The following ZFAT variants were observed in gnomAD, a reference collection of about 807,000 sequenced individuals.
ZFAT encodes zinc finger protein ZFAT.
A neutral mutation model predicts 117.7 loss-of-function variants in ZFAT; 64 were observed. That is an observed-to-expected ratio of 0.54 (90% CI 0.44 to 0.67). ZFAT has a LOEUF of 0.67. Among genes scored for constraint, ZFAT ranks in the 30% least tolerant of loss-of-function variants. The pLI, the probability that ZFAT is intolerant of heterozygous loss-of-function variation, is 0.00. For synonymous variants in ZFAT, 679 were observed against 615.0 expected (o/e 1.10, Z -1.54); for missense variants, 1,433 against 1,584.5 (o/e 0.90, Z 1.62).
the ZFAT span, among the ~76,000 whole-genome samples, chr8:134,820,631 T>C: frequency 6.6e-6 from 1 of 152,230 alleles, no homozygotes. Flanking sequence ...CAAGGGCCAC[T>C]GGCAGAACCA....
At chr8:134,489,026 A>C (rs528155751) in intron 15 of ZFAT, among the ~76,000 whole-genome samples, 37 of 147,072 alleles carry the variant, frequency 2.5e-4, no homozygotes, top group African/African-American at 9.6e-4. Context: ...GAGATGAAAC[A>C]AAGAGGAAAA....
chr8:134,503,035 G>A (rs1022468040), intron 15 of ZFAT, among the ~76,000 whole-genome samples: 1 of 152,252 alleles, frequency 6.6e-6, no homozygotes, highest in African/African-American at 2.4e-5. Flanking sequence ...CAACTCCTGG[G>A]CTGCAGGGGA....
chr8:134,563,357 A>G (rs1824187944), intron 11 of ZFAT, among the ~76,000 whole-genome samples: 1 of 152,214 alleles, frequency 6.6e-6, no homozygotes, highest in African/African-American at 2.4e-5. Flanking sequence ...AAAGCACAAG[A>G]CTAGGAGTGA....
In ZFAT at chr8:134,532,927, A is replaced by G; in HGVS notation, c.3022T>C (p.Ser1008Pro). 6.2e-7 allele frequency: 1 copy of G among 1,609,346 alleles called. No homozygotes were observed. The highest frequency in any genetic ancestry group is 8.5e-7 in the Non-Finnish European group (1 of 1,177,882). ...TTCCTGTTGTAGTGCCGCTTCAGAG[A>G]GCCAGATATGTTGCAGGAGTAATGG... ...HCHYSCNISG[S>P]LKRHYNRKHP... The change falls in exon 12 of 16, where the codon TCT becomes CCT. Residue 1008 changes from serine (S) to proline (P), a missense_variant. Ser to Pro is a moderately conservative substitution (Grantham distance 74). Coordinates refer to ENST00000377838, the MANE Select transcript of ZFAT (RefSeq NM_020863.4).
intron 3 of ZFAT, among the ~76,000 whole-genome samples, chr8:134,610,904 A>G (rs1006930394): frequency 6.6e-6 from 1 of 152,250 alleles, no homozygotes; most frequent in Non-Finnish European, 1.5e-5. Context: ...GGTGAAGCAG[A>G]CATAGTTTCT....
At chr8:134,562,682 C>A (rs1009096863) in intron 11 of ZFAT, among the ~76,000 whole-genome samples, 1 of 152,168 alleles carries the variant, frequency 6.6e-6, no homozygotes, top group Admixed American at 6.5e-5. Context: ...GCCATGACCC[C>A]AGGTCCAGCT....
intron 14 of ZFAT, among the ~76,000 whole-genome samples, chr8:134,511,802 T>C (rs974524731): frequency 1.1e-4 from 17 of 152,328 alleles, no homozygotes; most frequent in African/African-American, 4.1e-4. Context: ...TTAGAACTGA[T>C]TTAACATTTG....
chr8:134,738,927 A>C, the ZFAT span, among the ~76,000 whole-genome samples: 1 of 152,216 alleles, frequency 6.6e-6, no homozygotes, highest in Admixed American at 6.5e-5. Flanking sequence ...AAGCTTCCCT[A>C]GTCCTTTTAG....
intron 3 of ZFAT, 107 bp from the exon 4 acceptor site, chr8:134,610,762 G>A (rs1828273678): frequency 1.5e-6 from 2 of 1,321,416 alleles, no homozygotes; most frequent in Admixed American, 4.3e-5. Context: ...ACAGCTCTTT[G>A]GTCTGCAGTG....
At chr8:134,515,494 T>A (rs1434732343) in intron 13 of ZFAT, among the ~76,000 whole-genome samples, 1 of 152,248 alleles carries the variant, frequency 6.6e-6, no homozygotes, top group Non-Finnish European at 1.5e-5. Context: ...TTTTTAATGA[T>A]CACCATTCTA....
chr8:134,655,798 C>T (rs917953242), intron 2 of ZFAT, among the ~76,000 whole-genome samples: 1 of 152,162 alleles, frequency 6.6e-6, no homozygotes, highest in African/African-American at 2.4e-5. Context: ...CTTCGATCTG[C>T]CATATGAATT....
At chr8:134,629,406 A>C (rs1829735113) in intron 3 of ZFAT, among the ~76,000 whole-genome samples, 1 of 151,906 alleles carries the variant, frequency 6.6e-6, no homozygotes, top group South Asian at 2.1e-4. Context: ...GGGCTCCCCT[A>C]CCCCGAGAAT....
intron 15 of ZFAT, among the ~76,000 whole-genome samples, chr8:134,499,522 C>T (rs1417041165): frequency 6.7e-6 from 1 of 148,358 alleles, no homozygotes; most frequent in Non-Finnish European, 1.5e-5. Context: ...TGGGATGCCC[C>T]CGTTGCTGGT....
chr8:134,618,877 C>T (rs1349486155), intron 3 of ZFAT, among the ~76,000 whole-genome samples: 1 of 152,076 alleles, frequency 6.6e-6, no homozygotes, highest in African/African-American at 2.4e-5. Context: ...CCTTAGTGTA[C>T]AAAACAGAGA....
intron 1 of ZFAT, among the ~76,000 whole-genome samples, chr8:134,665,350 T>G (rs1415162292): frequency 6.6e-6 from 1 of 152,178 alleles, no homozygotes; most frequent in Non-Finnish European, 1.5e-5. Flanking sequence ...TGAGGGTCAG[T>G]TGGGCCTTGA....
intron 11 of ZFAT, among the ~76,000 whole-genome samples, chr8:134,560,892 A>C (rs141513186): frequency 6.6e-6 from 1 of 152,390 alleles, no homozygotes; most frequent in Non-Finnish European, 1.5e-5. Flanking sequence ...TTTTGTTTAG[A>C]GAATCCTAGT....
chr8:134,676,489 T>C (rs1206785579), intron 1 of ZFAT, among the ~76,000 whole-genome samples: 1 of 152,118 alleles, frequency 6.6e-6, no homozygotes, highest in Non-Finnish European at 1.5e-5. Context: ...TCCCACACAG[T>C]AATAGTGGGA....
chr8:134,499,936 G>T (rs1254969384), intron 15 of ZFAT, among the ~76,000 whole-genome samples: 1 of 152,192 alleles, frequency 6.6e-6, no homozygotes, highest in Non-Finnish European at 1.5e-5. Flanking sequence ...GAAGGAGGGG[G>T]ACACTAAGAG....
chr8:134,759,709 C>T, the ZFAT span, among the ~76,000 whole-genome samples: 1 of 152,174 alleles, frequency 6.6e-6, no homozygotes, highest in African/African-American at 2.4e-5. Context: ...GGCGCGATGG[C>T]TTATGCCTAT....
Sources: gnomAD v4.1 joint callset for allele counts (sites outside exome capture counted in the v4.1 genomes callset) on GRCh38, gnomAD v4.1.1 for gene constraint, MANE v1.5 for transcripts, NCBI Gene and HGNC (gene_info 2026-07-23, HGNC 2026-07-21) for gene names.